DYNC2H1: variants seen among roughly 807,000 people sequenced by gnomAD.
DYNC2H1 encodes dynein cytoplasmic 2 heavy chain 1, also known as cytoplasmic dynein 2 heavy chain 1.
A neutral mutation model predicts 570.0 loss-of-function variants in DYNC2H1; 410 were observed. The observed-to-expected ratio is 0.72, with a 90% CI of 0.66 to 0.78. DYNC2H1 has a LOEUF of 0.78. DYNC2H1 is among the 30% of genes least tolerant of loss of function. The pLI, the probability that DYNC2H1 is intolerant of heterozygous loss-of-function variation, is 0.00. For synonymous variants in DYNC2H1, 1,688 were observed against 1,677.6 expected, an observed-to-expected ratio of 1.01 and a Z score of -0.15; for missense variants, 4,865 against 5,046.4, an observed-to-expected ratio of 0.96 and a Z score of 1.09.
chr11:103,127,457 G>A (rs1161982718), intron 12 of DYNC2H1, among the ~76,000 whole-genome samples: 2 of 152,086 alleles, frequency 1.3e-5, no homozygotes, highest in East Asian at 3.9e-4. Context: ...CTTTTTCTGG[G>A]CCTATTTTTG....
intron 52 of DYNC2H1, among the ~76,000 whole-genome samples, chr11:103,208,131 G>A (rs1307414162): frequency 6.6e-6 from 1 of 152,122 alleles, no homozygotes; most frequent in African/African-American, 2.4e-5. Context: ...TGATTTGACT[G>A]TGTAGGTGAG....
intron 6 of DYNC2H1, among the ~76,000 whole-genome samples, 179 bp downstream of exon 6, chr11:103,118,042 A>G (rs1268808594): frequency 6.6e-6 from 1 of 152,132 alleles, no homozygotes; most frequent in African/African-American, 2.4e-5. Context: ...ATTTTGTGTG[A>G]GACTGGTCAA....
chr11:103,124,978 A>G (rs1431429425), intron 11 of DYNC2H1, 122 bp from the exon 12 acceptor site: 1 of 693,406 alleles, frequency 1.4e-6, no homozygotes, highest in African/African-American at 1.9e-5. Context: ...GCTATAATTA[A>G]AAAGTTTTTT....
chr11:103,444,686 C>T (rs1354656037), intron 85 of DYNC2H1, among the ~76,000 whole-genome samples: 1 of 152,102 alleles, frequency 6.6e-6, no homozygotes, highest in Non-Finnish European at 1.5e-5. Context: ...CAGGGAAAGC[C>T]TGTCTTTGGA....
chr11:103,326,600 G>A lies in DYNC2H1; in HGVS notation c.12039+2610G>A, dbSNP rs1938496540. ...AGCCCTTGGCTTGGGGTCAGACTCT[G>A]GCAGCACTGGGGGATCTGAAGTGCC... is the stretch of plus-strand genomic sequence containing the variant. On this transcript the variant is annotated intron_variant, in intron 82 of 88. Coordinates refer to ENST00000375735, the MANE Select transcript of DYNC2H1 (RefSeq NM_001377.3). This position sits in a 1 kb window ranked among gnomAD's most constrained non-coding sequence, Gnocchi z 6.1. 6.6e-6 allele frequency among the ~76,000 whole-genome samples: 1 copy of A among 152,220 alleles called. No homozygotes were observed.
At chr11:103,410,494 G>T (rs1943040140) in intron 84 of DYNC2H1, among the ~76,000 whole-genome samples, 1 of 152,098 alleles carries the variant, frequency 6.6e-6, no homozygotes, top group Admixed American at 6.6e-5. Flanking sequence ...GGGGTTTATA[G>T]ATTATAGAAC....
At chr11:103,182,973 G>C (rs1046509109) in intron 40 of DYNC2H1, among the ~76,000 whole-genome samples, 1 of 151,872 alleles carries the variant, frequency 6.6e-6, no homozygotes, top group Non-Finnish European at 1.5e-5. Context: ...GCCTAGGAAA[G>C]GGAACACTCC....
chr11:103,163,133 C>T lies in DYNC2H1; in HGVS notation c.4597C>T (p.Leu1533=). ...RSSQGAVDPS[L]FPSQILCLAE... ...TTCTCAAGGTGCAGTTGACCCATCT[C>T]TGTTCCCTTCACAGGTAAGGGGGCT... The change falls in exon 30 of 89, where the codon CTG becomes TTG. Residue 1533 remains leucine (L), a synonymous_variant. Coordinates refer to ENST00000375735, the MANE Select transcript of DYNC2H1 (RefSeq NM_001377.3). The surrounding 1 kb of genome is among the most constrained non-coding windows in gnomAD (Gnocchi z 4.6). The T allele has an allele frequency of 6.2e-7, 1 of 1,611,700 alleles. No homozygotes were observed. Among genetic ancestry groups the T allele is most frequent in the Non-Finnish European group, 8.5e-7 (1 of 1,178,392 alleles).
At chr11:103,281,676 C>T (rs1866140956) in intron 71 of DYNC2H1, among the ~76,000 whole-genome samples, 1 of 147,978 alleles carries the variant, frequency 6.8e-6, no homozygotes, top group Non-Finnish European at 1.5e-5. Flanking sequence ...ATTTTCTTGG[C>T]ACTGGATTCT....
chr11:103,164,773 C>T (rs1591344789), intron 30 of DYNC2H1, among the ~76,000 whole-genome samples: 1 of 152,130 alleles, frequency 6.6e-6, no homozygotes, highest in African/African-American at 2.4e-5. Flanking sequence ...AACAGTAATG[C>T]GATTTTATAA....
rs1184441817 is a variant in DYNC2H1, at chr11:103,228,826, C to A, written c.9354-2434C>A. Among the ~76,000 whole-genome samples, 1 of 152,036 alleles carries A rather than the reference C, an allele frequency of 6.6e-6. No homozygotes were observed. Among genetic ancestry groups the A allele is most frequent in the Admixed American group, 6.6e-5 (1 of 15,252 alleles). ...TATTATGACCTTTGTTTTTGGCTAC[C>A]AGGGTGGGTAGAGAAAGAACACCTG... is the stretch of plus-strand genomic sequence containing the variant. On this transcript the variant is annotated intron_variant, in intron 59 of 88. Transcript: ENST00000375735. This position sits in a 1 kb window ranked among gnomAD's most constrained non-coding sequence, Gnocchi z 6.1.
At chr11:103,386,755 T>G (rs1405542928) in intron 83 of DYNC2H1, among the ~76,000 whole-genome samples, 3 of 152,024 alleles carry the variant, frequency 2.0e-5, no homozygotes, top group South Asian at 2.1e-4. Flanking sequence ...GTGGTGTTTG[T>G]TTTTTTGTCC....
At position 103,416,545 on chromosome 11, in the gene DYNC2H1, AGAC is replaced by A. The variant is rs1943290155; in HGVS notation, c.12366+16676_12366+16678del. Among the ~76,000 whole-genome samples the A allele has an allele frequency of 5.9e-5, 9 of 152,312 alleles. No homozygotes were observed. In the South Asian group the frequency reaches 1.9e-3, roughly 32 times the overall value. On this transcript the variant is annotated intron_variant, in intron 84 of 88. Coordinates refer to ENST00000375735, the MANE Select transcript of DYNC2H1 (RefSeq NM_001377.3). ...TCTGATGTTTGACAAACCTGACAAAAGACGAGCAATGGGGAAAGGATTTCCTTT... is the reference window on the plus strand; with the variant it reads ...TCTGATGTTTGACAAACCTGACAAAAGAGCAATGGGGAAAGGATTTCCTTT...
At chr11:103,353,670 A>G (rs191763283) in intron 82 of DYNC2H1, among the ~76,000 whole-genome samples, 165 of 152,244 alleles carry the variant, frequency 1.1e-3, no homozygotes, top group African/African-American at 3.8e-3. Context: ...GTTGAGGTTT[A>G]CTAAAAAAGG....
At position 103,189,630 on chromosome 11, in the gene DYNC2H1, C is replaced by T; in HGVS notation, c.7293-42C>T. ...AACATTGAAATATTAATTTGGAATA[C>T]TGATTTATTTCAGCTTTCTTCTTAT... On this transcript the variant is annotated intron_variant, in intron 44 of 88. Transcript: ENST00000375735. This position sits in a 1 kb window ranked among gnomAD's most constrained non-coding sequence, Gnocchi z 4.3. 1 of 1,587,074 alleles carries T rather than the reference C, an allele frequency of 6.3e-7. No homozygotes were observed. The highest frequency in any genetic ancestry group is 8.6e-7 in the Non-Finnish European group (1 of 1,160,930).
chr11:103,238,633 C>G (rs939451195), intron 63 of DYNC2H1, among the ~76,000 whole-genome samples: 13 of 151,986 alleles, frequency 8.6e-5, no homozygotes, highest in African/African-American at 2.7e-4. Flanking sequence ...CTGAGGTTCT[C>G]CCTCTCAGCG....
intron 88 of DYNC2H1, among the ~76,000 whole-genome samples, chr11:103,477,751 A>C (rs1346128790): frequency 6.8e-6 from 1 of 146,360 alleles, no homozygotes; most frequent in Admixed American, 7.1e-5. Flanking sequence ...GAGTGGAATG[A>C]ACCCGGGAGG....
chr11:103,343,730 A>T (rs1939598489), intron 82 of DYNC2H1, among the ~76,000 whole-genome samples: 1 of 152,196 alleles, frequency 6.6e-6, no homozygotes, highest in South Asian at 2.1e-4. Flanking sequence ...ATAAAATAAA[A>T]TAAAATAAAA....
At chr11:103,113,449 G>A in intron 1 of DYNC2H1, 88 bp from the exon 2 acceptor site, 2 of 1,019,074 alleles carry the variant, frequency 2.0e-6, no homozygotes, top group Non-Finnish European at 2.7e-6. Context: ...TTTCCAAGAG[G>A]TATAATTATA....
Sources: allele counts gnomAD v4.1 joint callset (sites outside exome capture counted in the v4.1 genomes callset), GRCh38; gene constraint gnomAD v4.1.1; non-coding constraint Gnocchi (gnomAD v3.1); transcripts MANE v1.5; gene names NCBI Gene and HGNC (gene_info 2026-07-23, HGNC 2026-07-21).